Variants in SMC1B observed in about 807,000 individuals in gnomAD.
The protein encoded by SMC1B is structural maintenance of chromosomes 1B.
A neutral mutation model predicts 157.9 loss-of-function variants in SMC1B; 60 were observed. That is an observed-to-expected ratio of 0.38 (90% CI 0.31 to 0.47). The LOEUF (loss-of-function observed/expected upper bound fraction) is 0.47, where lower values mean the gene tolerates loss of function less well. Ranked by LOEUF, SMC1B falls within the 20% of genes least tolerant of loss-of-function variation. SMC1B has a pLI of 0.99. For missense variants in SMC1B, 1,165 were observed against 1,426.2 expected (o/e 0.82, Z 2.95); for synonymous variants, 445 against 483.0 (o/e 0.92, Z 1.03).
intron 1 of SMC1B, among the ~76,000 whole-genome samples, chr22:45,411,475 G>A (rs1418408162): frequency 6.6e-6 from 1 of 152,226 alleles, no homozygotes; most frequent in African/African-American, 2.4e-5. Flanking sequence ...TGAGTACAAG[G>A]TTTCTTTGGG....
At chr22:45,396,838 T>TAAA (rs2087130477) in intron 6 of SMC1B, among the ~76,000 whole-genome samples, 1 of 152,064 alleles carries the variant, frequency 6.6e-6, no homozygotes, top group South Asian at 2.1e-4. Flanking sequence ...TTTCCTCTCA[T>TAAA]AAACACTTAA....
At chr22:45,349,117 C>T (rs1490684798) in intron 23 of SMC1B, among the ~76,000 whole-genome samples, 1 of 150,730 alleles carries the variant, frequency 6.6e-6, no homozygotes, top group Non-Finnish European at 1.5e-5. Flanking sequence ...TGGGTTCAGC[C>T]GATTGTCATG....
At position 45,345,383 on chromosome 22, in the gene SMC1B, G is replaced by T. The variant is rs924864878; in HGVS notation, c.3606+76C>A. The T allele has an allele frequency of 6.3e-6, 5 of 794,242 alleles. No individual in the cohort carries two copies. The African/African-American group carries it at 7.1e-5, about 11-fold the overall frequency. 49.2% of individuals were successfully genotyped at this position (794,242 alleles called of 1,614,324 possible). On this transcript the variant is annotated intron_variant, in intron 24 of 24. Transcript: ENST00000357450. ...GACTCCATTTGGAAGTTTTAATTAG[G>T]AAAGCCCAGTGGCTGTCAGGGTACT...
At position 45,397,429 on chromosome 22, in the gene SMC1B, C is replaced by T. The variant is rs1187962102; in HGVS notation, c.1114-943G>A. On this transcript the variant is annotated intron_variant, in intron 6 of 24. Coordinates refer to ENST00000357450, the MANE Select transcript of SMC1B (RefSeq NM_148674.5). ...GGATCAATTGAGCCCAGGAGTGACACTGCAGTGAACTATGATTGATAGCAG... is the reference window on the plus strand; with the variant it reads ...GGATCAATTGAGCCCAGGAGTGACATTGCAGTGAACTATGATTGATAGCAG... Among the ~76,000 whole-genome samples the T allele has an allele frequency of 2.0e-5, 3 of 152,156 alleles. 1 individual carries two copies. Among genetic ancestry groups the T allele is most frequent in the Non-Finnish European group, 4.4e-5 (3 of 68,026 alleles).
At chr22:45,394,445 G>C (rs554254534) in intron 8 of SMC1B, among the ~76,000 whole-genome samples, 1 of 152,246 alleles carries the variant, frequency 6.6e-6, no homozygotes, top group South Asian at 2.1e-4. Context: ...TTCAAGATCA[G>C]CCTGGGCAAC....
chr22:45,378,606 T>C (rs1053968933), intron 12 of SMC1B, among the ~76,000 whole-genome samples: 1 of 152,130 alleles, frequency 6.6e-6, no homozygotes, highest in South Asian at 2.1e-4. Flanking sequence ...TGTTCCACTA[T>C]ATTTTTATTT....
intron 15 of SMC1B, among the ~76,000 whole-genome samples, chr22:45,367,332 C>T (rs970205330): frequency 7.2e-5 from 11 of 152,246 alleles, no homozygotes; most frequent in African/African-American, 2.6e-4. Flanking sequence ...TTTTTGGCAC[C>T]AGGTGATGCC....
intron 1 of SMC1B, among the ~76,000 whole-genome samples, chr22:45,412,598 C>A (rs2087355926): frequency 6.7e-6 from 1 of 149,412 alleles, no homozygotes; most frequent in African/African-American, 2.5e-5. Context: ...CTTCCACCTC[C>A]CAGGTTCAAG....
intron 9 of SMC1B, among the ~76,000 whole-genome samples, chr22:45,391,606 TC>T (rs1329427117): frequency 1.3e-5 from 2 of 152,212 alleles, no homozygotes; most frequent in Admixed American, 6.5e-5. Flanking sequence ...TTTTATTAAT[TC>T]CCTTTCTCAC....
chr22:45,363,701 A>T (rs2086743918), intron 15 of SMC1B, among the ~76,000 whole-genome samples: 1 of 21,446 alleles, frequency 4.7e-5, no homozygotes, highest in African/African-American at 1.9e-4. Flanking sequence ...GATACAAAAA[A>T]AATTCTTTTT....
At chr22:45,411,733 T>C (rs903318971) in intron 1 of SMC1B, among the ~76,000 whole-genome samples, 1 of 149,950 alleles carries the variant, frequency 6.7e-6, no homozygotes, top group Non-Finnish European at 1.5e-5. Flanking sequence ...ACTACAGGCG[T>C]GCGCCACCAC....
Position 45,358,700 on chromosome 22 carries a change from C to T in SMC1B, c.2958G>A (p.Leu986=). The T allele has an allele frequency of 6.3e-7, 1 of 1,590,742 alleles. No individual in the cohort carries two copies. Among genetic ancestry groups the T allele is most frequent in the Non-Finnish European group, 8.6e-7 (1 of 1,162,860 alleles). ...EIDYSSLKED[L]KALQSDQEIE... Reference sequence around the variant, plus strand: ...ACAACAGAAAGCTTTCCATTACCTTCAAATCCTCTTTTAGAGAGCTGTAGT... The same window carrying T: ...ACAACAGAAAGCTTTCCATTACCTTTAAATCCTCTTTTAGAGAGCTGTAGT... Residue 986 remains leucine (L), a synonymous_variant, in exon 19 of 25, where the codon TTG becomes TTA. Transcript: ENST00000357450.
rs917160285 is a variant in SMC1B, at chr22:45,396,606, T to C, written c.1114-120A>G. 1.3e-4 allele frequency: 96 copies of C among 749,276 alleles called. 1 individual carries two copies. The highest frequency in any genetic ancestry group is 1.9e-4 in the Admixed American group (5 of 26,060). The allele number at this position is 749,276 out of a possible 1,614,324, so 46.4% of individuals were successfully genotyped here. On this transcript the variant is annotated intron_variant, in intron 6 of 24. Transcript: ENST00000357450. ...TTCCCAAAAGCTTGCTTTATATAAA[T>C]TAAATCATAATCGACCACCTTCCCC...
chr22:45,390,209 G>C (rs2087041500), intron 9 of SMC1B, among the ~76,000 whole-genome samples: 1 of 151,752 alleles, frequency 6.6e-6, no homozygotes, highest in Non-Finnish European at 1.5e-5. Flanking sequence ...GAATCTATAA[G>C]GGACCTACTA....
At position 45,391,500 on chromosome 22, in the gene SMC1B, A is replaced by G. The variant is rs760441467; in HGVS notation, c.1546-1603T>C. Reference sequence around the variant, plus strand: ...TAGTTTCTTTCTCTTTGTTGTTATTATATGTACCTATAGCTGCCACAGTGA... The same window carrying G: ...TAGTTTCTTTCTCTTTGTTGTTATTGTATGTACCTATAGCTGCCACAGTGA... On this transcript the variant is annotated intron_variant, in intron 9 of 24. Transcript: ENST00000357450. 1.9e-4 allele frequency among the ~76,000 whole-genome samples: 29 copies of G among 152,090 alleles called. 1 individual carries two copies. Among genetic ancestry groups the G allele is most frequent in the Non-Finnish European group, 2.6e-4 (18 of 68,026 alleles).
At chr22:45,398,055 A>G (rs136609) in intron 6 of SMC1B, among the ~76,000 whole-genome samples, 73,046 of 152,022 alleles carry the variant, frequency 0.48, 20,474 homozygotes, top group African/African-American at 0.76. Context: ...AGCAAGCCCC[A>G]GAGCTGAGGG....
chr22:45,358,237 A>T (rs2086688043), intron 19 of SMC1B, among the ~76,000 whole-genome samples: 1 of 152,186 alleles, frequency 6.6e-6, no homozygotes, highest in South Asian at 2.1e-4. Context: ...GAACTGGTTA[A>T]TGTAAATAAA....
At chr22:45,412,658 C>T (rs2087357383) in intron 1 of SMC1B, among the ~76,000 whole-genome samples, 1 of 152,054 alleles carries the variant, frequency 6.6e-6, no homozygotes, top group Admixed American at 6.5e-5. Context: ...AGGCGTGTGC[C>T]ACCACACCCA....
At chr22:45,349,511 T>C (rs4823212) in intron 23 of SMC1B, among the ~76,000 whole-genome samples, 304 of 12,020 alleles carry the variant, frequency 0.025, 6 homozygotes, top group Middle Eastern at 0.045. Flanking sequence ...AATTTTTGTA[T>C]TTTTAGTAGA....
Sources: gnomAD v4.1 joint callset for allele counts (sites outside exome capture counted in the v4.1 genomes callset) on GRCh38, gnomAD v4.1.1 for gene constraint, MANE v1.5 for transcripts, NCBI Gene and HGNC (gene_info 2026-07-23, HGNC 2026-07-21) for gene names.